GCFC2: variants seen among roughly 807,000 people sequenced by gnomAD.
GCFC2 encodes the protein GC-rich sequence DNA-binding factor 2.
GCFC2 carries 102 observed loss-of-function variants against 99.4 expected under a neutral mutation model. The ratio of observed to expected loss-of-function variants is 1.03; its 90% CI spans 0.87 to 1.21. The LOEUF is 1.21. Among genes scored for constraint, GCFC2 ranks in the 50% most tolerant of loss-of-function variants. The probability of loss-of-function intolerance (pLI) is 0.00; values close to 1 mark genes in which losing one functional copy is unlikely to be tolerated. For synonymous variants in GCFC2, 338 were observed against 316.8 expected (o/e 1.07, Z -0.71); for missense variants, 973 against 920.9 (o/e 1.06, Z -0.73).
At position 75,668,859 on chromosome 2, in the gene GCFC2, A is replaced by G. The variant is rs56377330; in HGVS notation, c.2103+1279T>C. Among the ~76,000 whole-genome samples the G allele has an allele frequency of 7.0e-3, 1,065 of 152,302 alleles. 8 individuals are homozygous for G. The highest frequency in any genetic ancestry group is 0.024 in the African/African-American group (1,018 of 41,570). The stretch of plus-strand genomic sequence containing the variant: ...ATCCATCATGCCAAAATACTCTCCA[A>G]AAGAGCTGTATCCCTCCTTCCCCCA... On this transcript the variant is annotated intron_variant, in intron 15 of 16. Transcript: ENST00000321027.
chr2:75,667,658 T>G lies in GCFC2; in HGVS notation c.2104-1605A>C, dbSNP rs921786893. Among the ~76,000 whole-genome samples, 4 of 152,340 alleles carry G rather than the reference T, an allele frequency of 2.6e-5. No homozygotes were observed. The East Asian group carries it at 7.7e-4, about 29-fold the overall frequency. ...ATTTGCACTTGTTTTCCCCTTGTTT[T>G]GTATTACAAGTCTCAGTAAAATTCT... On this transcript the variant is annotated intron_variant, in intron 15 of 16. Coordinates refer to ENST00000321027, the MANE Select transcript of GCFC2 (RefSeq NM_003203.5).
intron 12 of GCFC2, among the ~76,000 whole-genome samples, chr2:75,677,875 G>A (rs1482728943): frequency 6.6e-6 from 1 of 152,062 alleles, no homozygotes; most frequent in African/African-American, 2.4e-5. Flanking sequence ...CTACTCGGGA[G>A]GCTGAGGCAG....
chr2:75,701,648 T>C (rs192788072), intron 3 of GCFC2: 205 of 182,076 alleles, frequency 1.1e-3, no homozygotes, highest in African/African-American at 4.1e-3. Context: ...GATCTCTCAA[T>C]TACTACCTGA....
intron 2 of GCFC2, among the ~76,000 whole-genome samples, chr2:75,704,315 G>A (rs879636566): frequency 6.6e-5 from 10 of 152,118 alleles, no homozygotes; most frequent in Non-Finnish European, 8.8e-5. Flanking sequence ...GTTATTCATC[G>A]GAACACAAAT....
intron 4 of GCFC2, among the ~76,000 whole-genome samples, chr2:75,699,807 G>C (rs114696897): frequency 0.015 from 2,212 of 152,080 alleles, 55 homozygotes; most frequent in African/African-American, 0.05. Context: ...AAACTACTGG[G>C]CTGAAGTGAT....
intron 11 of GCFC2, among the ~76,000 whole-genome samples, chr2:75,681,371 G>T (rs180857353): frequency 6.7e-6 from 1 of 149,372 alleles, no homozygotes; most frequent in African/African-American, 2.6e-5. Flanking sequence ...ACGAGAAACC[G>T]TGCCAGGAGG....
chr2:75,707,401 T>C (rs2104427134), intron 1 of GCFC2, among the ~76,000 whole-genome samples: 1 of 152,344 alleles, frequency 6.6e-6, no homozygotes, highest in Admixed American at 6.5e-5. Context: ...TTGACATTAT[T>C]GACAAGAAAG....
chr2:75,684,611 T>C (rs1679731523), intron 11 of GCFC2, among the ~76,000 whole-genome samples: 1 of 152,246 alleles, frequency 6.6e-6, no homozygotes, highest in Non-Finnish European at 1.5e-5. Flanking sequence ...TTGGTGGGAC[T>C]GTAAACTAGT....
chr2:75,696,079 C>A, intron 5 of GCFC2, 121 bp downstream of exon 5: 1 of 500,648 alleles, frequency 2.0e-6, no homozygotes, highest in African/African-American at 2.0e-5. Context: ...CACAGGAGAT[C>A]CTTTTTCCCC....
At chr2:75,695,536 T>C (rs957404598) in intron 5 of GCFC2, among the ~76,000 whole-genome samples, 4 of 152,188 alleles carry the variant, frequency 2.6e-5, no homozygotes, top group South Asian at 2.1e-4. Context: ...AAATATGTTA[T>C]AAAGACTAAA....
At chr2:75,677,537 C>T (rs1335954972) in intron 12 of GCFC2, among the ~76,000 whole-genome samples, 1 of 152,184 alleles carries the variant, frequency 6.6e-6, no homozygotes, top group Non-Finnish European at 1.5e-5. Context: ...GCTAAGCATA[C>T]TATAGTGCAC....
chr2:75,678,601 T>C (rs1679446107), intron 12 of GCFC2, among the ~76,000 whole-genome samples: 1 of 152,198 alleles, frequency 6.6e-6, no homozygotes, highest in Non-Finnish European at 1.5e-5. Context: ...CACAGTACTT[T>C]ATCTATGCTG....
chr2:75,681,016 T>C (rs1324805869), intron 11 of GCFC2, among the ~76,000 whole-genome samples: 1 of 152,228 alleles, frequency 6.6e-6, no homozygotes, highest in African/African-American at 2.4e-5. Flanking sequence ...TAAGATCCTG[T>C]TCCCAGAACA....
chr2:75,711,413 G>T (rs955259193), upstream of GCFC2, among the ~76,000 whole-genome samples: 2 of 152,160 alleles, frequency 1.3e-5, no homozygotes, highest in Admixed American at 6.5e-5. Flanking sequence ...AGGCAGCAGG[G>T]CTTCAAGAGA....
chr2:75,705,826 G>A (rs990924612), intron 2 of GCFC2, among the ~76,000 whole-genome samples: 2 of 152,074 alleles, frequency 1.3e-5, no homozygotes, highest in South Asian at 4.1e-4. Context: ...TCTGTAAGAC[G>A]CCAGATAAAT....
At position 75,663,962 on chromosome 2, in the gene GCFC2, T is replaced by C. The variant is rs1320144835; in HGVS notation, c.*704A>G. On this transcript the variant is annotated 3_prime_UTR_variant, in exon 17 of 17. Coordinates refer to ENST00000321027, the MANE Select transcript of GCFC2 (RefSeq NM_003203.5). ...CAATATCTTTAAAAATATAAAGGTC[T>C]TAAAGTCCATAAGAAAAAGATGGAT... The C allele has an allele frequency of 1.3e-5, 2 of 152,106 alleles. No individual in the cohort carries two copies. Among genetic ancestry groups the C allele is most frequent in the African/African-American group, 4.8e-5 (2 of 41,424 alleles). The allele number at this position is 152,106 out of a possible 1,614,324, so 9.4% of individuals were successfully genotyped here. A position where few individuals can be genotyped will look rare whatever the true frequency, so the allele number is the denominator to read the frequency against.
chr2:75,668,943 A>G (rs1343829481), intron 15 of GCFC2, among the ~76,000 whole-genome samples: 5 of 152,316 alleles, frequency 3.3e-5, no homozygotes, highest in Admixed American at 6.5e-5. Context: ...TGCCCCTGCA[A>G]TGATGGAACT....
At position 75,673,468 on chromosome 2, in the gene GCFC2, ACAT is replaced by A. The variant is rs770322770; in HGVS notation, c.1862_1864del (p.Asp621del). 4.2e-6 allele frequency: 6 copies of A among 1,425,294 alleles called. No homozygotes were observed. The highest frequency in any genetic ancestry group is 3.4e-5 in the Admixed American group (2 of 59,590). 88.3% of individuals were successfully genotyped at this position (1,425,294 alleles called of 1,614,324 possible). ...CCTCTTTGGATACAGAGGAATAAAA[ACAT>A]CATCTTCTACTGCCTTTTTCATTCT... On this transcript the variant is annotated inframe_deletion, in exon 13 of 17. Coordinates refer to ENST00000321027, the MANE Select transcript of GCFC2 (RefSeq NM_003203.5).
rs1680016803 is a variant in GCFC2, at chr2:75,690,474, A to C, written c.1226+164T>G. On this transcript the variant is annotated intron_variant, in intron 8 of 16. Transcript: ENST00000321027. ...ATCCAAATACACCAATGTGTCTTTA[A>C]AGCAGTCAAGGGTGGTTTTACTAAA... The C allele has an allele frequency of 1.2e-5, 7 of 578,672 alleles. No homozygotes were observed. In the South Asian group the frequency reaches 1.5e-4, roughly 13 times the overall value. 35.8% of individuals were successfully genotyped at this position (578,672 alleles called of 1,614,324 possible).
Sources: allele counts gnomAD v4.1 joint callset (sites outside exome capture counted in the v4.1 genomes callset), GRCh38; gene constraint gnomAD v4.1.1; transcripts MANE v1.5; gene names NCBI Gene and HGNC (gene_info 2026-07-23, HGNC 2026-07-21).